TMCC1: variants seen among roughly 807,000 people sequenced by gnomAD.
TMCC1 encodes the protein transmembrane and coiled-coil domain family 1.
TMCC1 carries 15 observed loss-of-function variants against 52.4 expected under a neutral mutation model. The ratio of observed to expected loss-of-function variants is 0.29; its 90% CI spans 0.19 to 0.44. The LOEUF is 0.44. TMCC1 is among the 20% of genes least tolerant of loss of function. The pLI is 1.00. For missense variants in TMCC1, 503 were observed against 806.0 expected (o/e 0.62, Z 4.55); for synonymous variants, 279 against 301.9 (o/e 0.92, Z 0.79).
chr3:129,678,359 CTTTTTT>C (rs71155564), intron 4 of TMCC1, among the ~76,000 whole-genome samples: 4 of 117,198 alleles, frequency 3.4e-5, no homozygotes, highest in South Asian at 2.6e-4. Flanking sequence ...TTGTTTAATT[CTTTTTT>C]TTTTTTTTTT....
chr3:129,670,193 G>T, intron 5 of TMCC1, 137 bp downstream of exon 5: 1 of 836,808 alleles, frequency 1.2e-6, no homozygotes, highest in Non-Finnish European at 1.8e-6. Flanking sequence ...AGGAACTCAT[G>T]TGGATGTCTT....
At chr3:129,834,376 GTATT>G (rs2059060232) in intron 2 of TMCC1, among the ~76,000 whole-genome samples, 2 of 152,112 alleles carry the variant, frequency 1.3e-5, no homozygotes, top group African/African-American at 4.8e-5. Context: ...TAATTATTGA[GTATT>G]TATATTAAAT....
chr3:129,808,817 T>C (rs1300260920), intron 4 of TMCC1, among the ~76,000 whole-genome samples: 5 of 140,024 alleles, frequency 3.6e-5, no homozygotes, highest in Admixed American at 2.9e-4. Context: ...GAAAAAAAAA[T>C]AGCAGCATAA....
At chr3:129,687,451 A>G (rs1483500275) in intron 4 of TMCC1, among the ~76,000 whole-genome samples, 1 of 152,230 alleles carries the variant, frequency 6.6e-6, no homozygotes, top group African/African-American at 2.4e-5. Flanking sequence ...AGTAAAACAT[A>G]CATTTTAAAG....
intron 2 of TMCC1, among the ~76,000 whole-genome samples, chr3:129,852,565 A>G (rs530545522): frequency 8.5e-5 from 13 of 152,228 alleles, no homozygotes; most frequent in Admixed American, 2.0e-4. Context: ...CCAATCACAA[A>G]GAGATAAATA....
At chr3:129,739,516 T>C (rs569092033) in intron 4 of TMCC1, among the ~76,000 whole-genome samples, 9 of 152,020 alleles carry the variant, frequency 5.9e-5, no homozygotes, top group East Asian at 1.9e-4. Flanking sequence ...TATAAGATCA[T>C]AGTTCAGTGA....
chr3:129,825,518 T>C (rs995831682), intron 4 of TMCC1, among the ~76,000 whole-genome samples: 1 of 151,420 alleles, frequency 6.6e-6, no homozygotes, highest in Non-Finnish European at 1.5e-5. Context: ...GAAGTTTACA[T>C]CTATCTTTTT....
intron 4 of TMCC1, among the ~76,000 whole-genome samples, chr3:129,778,674 T>TTGG (rs66614369): frequency 2.2e-5 from 3 of 138,740 alleles, no homozygotes; most frequent in South Asian, 2.5e-4. Context: ...TAGATCATGG[T>TTGG]GGGGGGGGGG....
At chr3:129,718,260 G>A (rs7428452) in intron 4 of TMCC1, among the ~76,000 whole-genome samples, 131,880 of 152,236 alleles carry the variant, frequency 0.87, 57,817 homozygotes, top group East Asian at 1. Flanking sequence ...GTATTAAATC[G>A]TAACTGCATA....
rs1459707673 is a variant in TMCC1 at position 129,763,233 on chromosome 3, A to C, written c.576+64570T>G. ...AAATAAATAAATAAATAAATAAATA[A>C]ATAAATAAATAAATAAATATCATTA... On this transcript the variant is annotated intron_variant, in intron 4 of 6. Coordinates refer to ENST00000393238, the MANE Select transcript of TMCC1 (RefSeq NM_001017395.5). Among the ~76,000 whole-genome samples, 3 of 144,506 alleles carry C rather than the reference A, an allele frequency of 2.1e-5. No homozygotes were observed. In the South Asian group the frequency reaches 6.5e-4, roughly 31 times the overall value. The allele number at this position is 144,506 out of a possible 152,430, so 94.8% of individuals were successfully genotyped here. A position where few individuals can be genotyped will look rare whatever the true frequency, so the allele number is the denominator to read the frequency against.
At chr3:129,695,251 T>A (rs1001597037) in intron 4 of TMCC1, among the ~76,000 whole-genome samples, 1 of 151,978 alleles carries the variant, frequency 6.6e-6, no homozygotes, top group Non-Finnish European at 1.5e-5. Context: ...GAATGCTGGG[T>A]GTTGTCTATT....
chr3:129,714,549 A>G (rs1157040797), intron 4 of TMCC1, among the ~76,000 whole-genome samples: 1 of 152,204 alleles, frequency 6.6e-6, no homozygotes, highest in Non-Finnish European at 1.5e-5. Context: ...GGTATATAAT[A>G]TGACAACCAT....
intron 4 of TMCC1, among the ~76,000 whole-genome samples, chr3:129,799,697 A>G (rs2057063182): frequency 6.6e-6 from 1 of 152,124 alleles, no homozygotes; most frequent in Non-Finnish European, 1.5e-5. Context: ...CTGTGGTCCC[A>G]GCTGCTCGGG....
chr3:129,802,595 A>G (rs770913545), intron 4 of TMCC1, among the ~76,000 whole-genome samples: 1 of 152,220 alleles, frequency 6.6e-6, no homozygotes, highest in Non-Finnish European at 1.5e-5. Flanking sequence ...TGACAGAGTG[A>G]AACCTCATCT....
intron 4 of TMCC1, among the ~76,000 whole-genome samples, chr3:129,715,898 G>A (rs145163177): frequency 6.6e-6 from 1 of 152,008 alleles, no homozygotes; most frequent in Non-Finnish European, 1.5e-5. Flanking sequence ...CTCCATCTAA[G>A]AGACAGAATG....
intron 4 of TMCC1, among the ~76,000 whole-genome samples, chr3:129,813,172 T>C (rs1267553891): frequency 6.6e-6 from 1 of 152,058 alleles, no homozygotes; most frequent in African/African-American, 2.4e-5. Flanking sequence ...CAGATGCTGG[T>C]GAGGTTGTGG....
intron 4 of TMCC1, among the ~76,000 whole-genome samples, chr3:129,723,912 A>AT (rs5852573): frequency 0.85 from 119,708 of 141,590 alleles, 51,392 homozygotes; most frequent in Non-Finnish European, 0.94. Flanking sequence ...TCAGGATGAG[A>AT]TTTTTTTTTT....
At chr3:129,763,031 T>C (rs1323500066) in intron 4 of TMCC1, among the ~76,000 whole-genome samples, 1 of 151,222 alleles carries the variant, frequency 6.6e-6, no homozygotes, top group Non-Finnish European at 1.5e-5. Context: ...ACCCCGTCTC[T>C]ACTAAAAATA....
intron 4 of TMCC1, among the ~76,000 whole-genome samples, chr3:129,792,201 T>C (rs113692801): frequency 0.097 from 14,589 of 150,226 alleles, 836 homozygotes; most frequent in Middle Eastern, 0.16. Flanking sequence ...TATATATATA[T>C]ACACATATAT....
Sources: gnomAD v4.1 joint callset for allele counts (sites outside exome capture counted in the v4.1 genomes callset) on GRCh38, gnomAD v4.1.1 for gene constraint, MANE v1.5 for transcripts, NCBI Gene and HGNC (gene_info 2026-07-23, HGNC 2026-07-21) for gene names.